The following HS3ST4 variants were observed in gnomAD, a reference collection of about 807,000 sequenced individuals.
The protein encoded by HS3ST4 is heparan sulfate-glucosamine 3-sulfotransferase 4.
A neutral mutation model predicts 29.2 loss-of-function variants in HS3ST4; 17 were observed. The observed-to-expected ratio is 0.58, with a 90% CI of 0.40 to 0.87. The LOEUF (loss-of-function observed/expected upper bound fraction) is 0.87. Ranked by LOEUF, HS3ST4 falls within the 40% of genes least tolerant of loss-of-function variation. The probability of loss-of-function intolerance (pLI) is 0.00; values close to 1 mark genes in which losing one functional copy is unlikely to be tolerated. For synonymous variants in HS3ST4, 314 were observed against 285.7 expected (o/e 1.10, Z -1.00); for missense variants, 627 against 634.5 (o/e 0.99, Z 0.13).
intron 1 of HS3ST4, among the ~76,000 whole-genome samples, chr16:26,084,779 T>A (rs1018699901): frequency 9.2e-5 from 14 of 151,714 alleles, no homozygotes; most frequent in South Asian, 2.1e-4. Context: ...GTTTTTTTTT[T>A]AATTTTATTT....
chr16:25,817,148 A>G (rs1967100994), intron 1 of HS3ST4, among the ~76,000 whole-genome samples: 1 of 152,194 alleles, frequency 6.6e-6, no homozygotes, highest in African/African-American at 2.4e-5. Context: ...AGGTTATTTA[A>G]CCTTCTCACT....
At chr16:25,918,684 C>T (rs1395158367) in intron 1 of HS3ST4, among the ~76,000 whole-genome samples, 14 of 152,146 alleles carry the variant, frequency 9.2e-5, no homozygotes, top group Admixed American at 8.5e-4. Flanking sequence ...CCAGTGTGGT[C>T]GGATCTCAGA....
chr16:26,107,834 A>G (rs779999205), intron 1 of HS3ST4, among the ~76,000 whole-genome samples: 1 of 152,126 alleles, frequency 6.6e-6, no homozygotes, highest in Non-Finnish European at 1.5e-5. Flanking sequence ...GCAATTGTGA[A>G]TTTGTGCTGT....
At chr16:25,877,174 T>C (rs1041050130) in intron 1 of HS3ST4, among the ~76,000 whole-genome samples, 1 of 152,114 alleles carries the variant, frequency 6.6e-6, no homozygotes, top group Non-Finnish European at 1.5e-5. Context: ...TGGCTCCTCC[T>C]ACTCAGTGAT....
At chr16:25,699,315 A>G (rs765931194) in intron 1 of HS3ST4, among the ~76,000 whole-genome samples, 5 of 152,160 alleles carry the variant, frequency 3.3e-5, no homozygotes, top group Non-Finnish European at 5.9e-5. Context: ...TACCTCCCGG[A>G]TATATTGCAA....
At chr16:25,941,959 T>G (rs1376221712) in intron 1 of HS3ST4, among the ~76,000 whole-genome samples, 2 of 152,198 alleles carry the variant, frequency 1.3e-5, no homozygotes, top group East Asian at 1.9e-4. Flanking sequence ...TCTTTTATCC[T>G]CAGTTATGAC....
intron 1 of HS3ST4, among the ~76,000 whole-genome samples, chr16:25,737,950 G>T (rs558129675): frequency 4.7e-5 from 7 of 147,672 alleles, no homozygotes; most frequent in Admixed American, 1.4e-4. Context: ...TGTTGCCCAG[G>T]CTGGTGTGCA....
chr16:26,031,508 C>T (rs1334043150), intron 1 of HS3ST4, among the ~76,000 whole-genome samples: 1 of 152,156 alleles, frequency 6.6e-6, no homozygotes, highest in Non-Finnish European at 1.5e-5. Context: ...ACACACTCCA[C>T]TCCACTCCAA....
intron 1 of HS3ST4, among the ~76,000 whole-genome samples, chr16:25,856,845 T>G (rs888000783): frequency 6.6e-6 from 1 of 152,110 alleles, no homozygotes; most frequent in African/African-American, 2.4e-5. Flanking sequence ...ACTAGTAATA[T>G]TAAGTAAAGT....
intron 1 of HS3ST4, among the ~76,000 whole-genome samples, chr16:25,856,359 G>A (rs1427927239): frequency 6.6e-6 from 1 of 152,078 alleles, no homozygotes; most frequent in African/African-American, 2.4e-5. Context: ...AACCTTCAGG[G>A]AGGGGAAAGG....
At chr16:25,902,822 G>A (rs192832099) in intron 1 of HS3ST4, among the ~76,000 whole-genome samples, 3 of 152,010 alleles carry the variant, frequency 2.0e-5, no homozygotes, top group East Asian at 3.9e-4. Context: ...GGATGCCTGG[G>A]TGCAGTGGCT....
chr16:26,047,883 G>A (rs1036562291), intron 1 of HS3ST4, among the ~76,000 whole-genome samples: 4 of 152,130 alleles, frequency 2.6e-5, no homozygotes, highest in African/African-American at 9.7e-5. Context: ...GGCAAAAGTG[G>A]AATTTCTACT....
At chr16:25,879,876 T>TA (rs1967875695) in intron 1 of HS3ST4, among the ~76,000 whole-genome samples, 1 of 151,962 alleles carries the variant, frequency 6.6e-6, no homozygotes, top group Admixed American at 6.5e-5. Context: ...AGGCACATCT[T>TA]ACATCACAGC....
At chr16:25,822,516 G>T (rs1431304629) in intron 1 of HS3ST4, among the ~76,000 whole-genome samples, 1 of 152,138 alleles carries the variant, frequency 6.6e-6, no homozygotes, top group African/African-American at 2.4e-5. Context: ...TCTTGGCCTT[G>T]TGATGATACA....
intron 1 of HS3ST4, among the ~76,000 whole-genome samples, chr16:26,050,631 T>G (rs975544750): frequency 1.3e-5 from 2 of 152,172 alleles, no homozygotes; most frequent in African/African-American, 4.8e-5. Context: ...TGTGATTCCT[T>G]CCGCACCACT....
chr16:25,885,794 A>G (rs1247465072), intron 1 of HS3ST4, among the ~76,000 whole-genome samples: 2 of 151,986 alleles, frequency 1.3e-5, no homozygotes, highest in South Asian at 2.1e-4. Context: ...ACTTTACATT[A>G]TGAATATAAA....
chr16:25,717,948 G>T (rs778434279), intron 1 of HS3ST4, among the ~76,000 whole-genome samples: 9 of 152,112 alleles, frequency 5.9e-5, no homozygotes, highest in Non-Finnish European at 8.8e-5. Context: ...ATGGAAAGAA[G>T]TGGCTGACTT....
At chr16:25,794,885 T>C (rs4787763) in intron 1 of HS3ST4, among the ~76,000 whole-genome samples, 54,858 of 144,542 alleles carry the variant, frequency 0.38, 10,487 homozygotes, top group Admixed American at 0.4. Flanking sequence ...TGGTAAACCT[T>C]TACTCAAGAA....
chr16:26,081,329 T>C (rs1402053121), intron 1 of HS3ST4, among the ~76,000 whole-genome samples: 3 of 151,494 alleles, frequency 2.0e-5, no homozygotes, highest in Admixed American at 2.0e-4. Flanking sequence ...TATCCCTAGA[T>C]AATACCTAAA....
Sources: gnomAD v4.1 joint callset for allele counts (sites outside exome capture counted in the v4.1 genomes callset) on GRCh38, gnomAD v4.1.1 for gene constraint, MANE v1.5 for transcripts, NCBI Gene and HGNC (gene_info 2026-07-23, HGNC 2026-07-21) for gene names.